SORCS1: variants seen among roughly 807,000 people sequenced by gnomAD.
The protein encoded by SORCS1 is VPS10 domain-containing receptor SorCS1.
SORCS1 carries 60 observed loss-of-function variants against 146.1 expected under a neutral mutation model. The observed-to-expected ratio is 0.41, with a 90% CI of 0.33 to 0.51. SORCS1 has a LOEUF of 0.51. Among genes scored for constraint, SORCS1 ranks in the 20% least tolerant of loss-of-function variants. The pLI, the probability that SORCS1 is intolerant of heterozygous loss-of-function variation, is 0.21. For missense variants in SORCS1, 1,352 were observed against 1,487.6 expected (o/e 0.91, Z 1.50); for synonymous variants, 637 against 584.0 (o/e 1.09, Z -1.31).
At chr10:107,110,326 G>C (rs758480929) in intron 1 of SORCS1, among the ~76,000 whole-genome samples, 1 of 152,086 alleles carries the variant, frequency 6.6e-6, no homozygotes, top group African/African-American at 2.4e-5. Context: ...CCTAAGACAA[G>C]GTAATTTATA....
chr10:106,784,090 T>C (rs565250503), intron 3 of SORCS1, among the ~76,000 whole-genome samples: 11 of 152,284 alleles, frequency 7.2e-5, no homozygotes, highest in Middle Eastern at 3.4e-3. Flanking sequence ...CATTGGGTCA[T>C]CTGGTTTAAA....
chr10:106,689,826 AG>A (rs1426238618), intron 9 of SORCS1, among the ~76,000 whole-genome samples: 12 of 152,322 alleles, frequency 7.9e-5, no homozygotes, highest in African/African-American at 2.6e-4. Flanking sequence ...TTCAATCGAT[AG>A]AAGACACACA....
chr10:106,621,605 G>C (rs1266249224), intron 19 of SORCS1, among the ~76,000 whole-genome samples: 3 of 151,688 alleles, frequency 2.0e-5, no homozygotes, highest in Non-Finnish European at 2.9e-5. Context: ...CCTTCTGGGG[G>C]GGTCTAGACT....
chr10:107,047,783 C>A (rs974048125), intron 1 of SORCS1, among the ~76,000 whole-genome samples: 1 of 151,672 alleles, frequency 6.6e-6, no homozygotes, highest in African/African-American at 2.4e-5. Flanking sequence ...TCTCTCATAC[C>A]CCTGTTTAGG....
intron 17 of SORCS1, among the ~76,000 whole-genome samples, chr10:106,657,071 A>G (rs1248366605): frequency 1.3e-5 from 2 of 152,216 alleles, no homozygotes; most frequent in Admixed American, 6.5e-5. Context: ...CTAAAATTAG[A>G]TCTACCATTC....
intron 5 of SORCS1, among the ~76,000 whole-genome samples, chr10:106,745,542 T>C (rs1047466198): frequency 2.6e-5 from 4 of 152,228 alleles, no homozygotes; most frequent in East Asian, 1.9e-4. Context: ...ATGAATACTA[T>C]AGTAGGCAAA....
At chr10:106,617,926 C>T (rs1352195714) in intron 21 of SORCS1, among the ~76,000 whole-genome samples, 7 of 152,182 alleles carry the variant, frequency 4.6e-5, no homozygotes, top group Admixed American at 1.3e-4. Flanking sequence ...TGAATAGTCA[C>T]TCTACCTCTA....
At chr10:106,648,475 T>C (rs974127993) in intron 18 of SORCS1, among the ~76,000 whole-genome samples, 2 of 152,224 alleles carry the variant, frequency 1.3e-5, no homozygotes, top group Admixed American at 6.5e-5. Flanking sequence ...TAATGCTACA[T>C]ATATTTTAAA....
At chr10:106,852,453 C>G (rs12267954) in intron 2 of SORCS1, among the ~76,000 whole-genome samples, 5,757 of 151,808 alleles carry the variant, frequency 0.038, 297 homozygotes, top group East Asian at 0.24. Flanking sequence ...CATGGTGAAA[C>G]CCTGTCTCTA....
chr10:106,771,382 T>C (rs1392160668), intron 4 of SORCS1, among the ~76,000 whole-genome samples: 1 of 152,188 alleles, frequency 6.6e-6, no homozygotes, highest in Admixed American at 6.5e-5. Flanking sequence ...TATTGCCAAA[T>C]TGAAATAAAG....
At chr10:106,597,478 CCAAAA>C in intron 23 of SORCS1, 28 bp from the exon 24 acceptor site, 2 of 1,541,982 alleles carry the variant, frequency 1.3e-6, no homozygotes, top group Non-Finnish European at 1.8e-6. Context: ...GTTAGTGACA[CCAAAA>C]GTGTCATACT....
chr10:106,881,076 CAA>C (rs59128024), intron 2 of SORCS1, among the ~76,000 whole-genome samples: 7 of 69,162 alleles, frequency 1.0e-4, no homozygotes, highest in South Asian at 6.3e-4. Context: ...GACTCTGTCT[CAA>C]AAAAAAAAAA....
chr10:106,701,484 TCTCA>T (rs1191802700), intron 8 of SORCS1, among the ~76,000 whole-genome samples: 1 of 152,160 alleles, frequency 6.6e-6, no homozygotes, highest in East Asian at 1.9e-4. Context: ...AAAATTAGTA[TCTCA>T]CTATTGGTTT....
chr10:106,866,104 T>C (rs1342134309), intron 2 of SORCS1, among the ~76,000 whole-genome samples: 1 of 151,400 alleles, frequency 6.6e-6, no homozygotes, highest in Non-Finnish European at 1.5e-5. Context: ...CACCCCCGAC[T>C]AGGGCTATTG....
intron 3 of SORCS1, among the ~76,000 whole-genome samples, chr10:106,783,008 A>C (rs114782325): frequency 0.01 from 1,570 of 152,354 alleles, 25 homozygotes; most frequent in African/African-American, 0.035. Context: ...AAGAAAGGTA[A>C]GCTACAATCA....
chr10:107,127,538 G>A (rs1754844057), intron 1 of SORCS1, among the ~76,000 whole-genome samples: 1 of 152,080 alleles, frequency 6.6e-6, no homozygotes, highest in African/African-American at 2.4e-5. Flanking sequence ...TAATTCTTAG[G>A]ACAGCAGGGA....
intron 1 of SORCS1, among the ~76,000 whole-genome samples, chr10:107,134,753 C>T (rs1002889422): frequency 6.6e-6 from 1 of 152,148 alleles, no homozygotes; most frequent in Non-Finnish European, 1.5e-5. Context: ...AAGTCATTAT[C>T]GTTCCAGATA....
intron 6 of SORCS1, among the ~76,000 whole-genome samples, chr10:106,716,950 A>C (rs906514656): frequency 6.6e-6 from 1 of 152,210 alleles, no homozygotes; most frequent in Non-Finnish European, 1.5e-5. Flanking sequence ...AGCCTGACCA[A>C]CACAGCAAAA....
intron 3 of SORCS1, among the ~76,000 whole-genome samples, chr10:106,793,463 G>A (rs1946410758): frequency 6.6e-6 from 1 of 152,270 alleles, no homozygotes; most frequent in African/African-American, 2.4e-5. Context: ...TTATTCAGGG[G>A]CATACATACA....
Sources: gnomAD v4.1 joint callset for allele counts (sites outside exome capture counted in the v4.1 genomes callset) on GRCh38, gnomAD v4.1.1 for gene constraint, MANE v1.5 for transcripts, NCBI Gene and HGNC (gene_info 2026-07-23, HGNC 2026-07-21) for gene names.